TSPAN18: variants seen among roughly 807,000 people sequenced by gnomAD.
The protein encoded by TSPAN18 is tetraspanin 18, also known as tetraspanin-18.
A neutral mutation model predicts 27.3 loss-of-function variants in TSPAN18; 14 were observed. That is an observed-to-expected ratio of 0.51 (90% confidence interval 0.34 to 0.80). The LOEUF is 0.80. Ranked by LOEUF, TSPAN18 falls within the 30% of genes least tolerant of loss-of-function variation. TSPAN18 has a pLI of 0.01. For missense variants in TSPAN18, 268 were observed against 323.9 expected, an observed-to-expected ratio of 0.83 and a Z score of 1.32; for synonymous variants, 143 against 136.5, an observed-to-expected ratio of 1.05 and a Z score of -0.33.
At chr11:44,833,121 T>C (rs1857189039) in intron 2 of TSPAN18, among the ~76,000 whole-genome samples, 1 of 151,574 alleles carries the variant, frequency 6.6e-6, no homozygotes, top group Non-Finnish European at 1.5e-5. Flanking sequence ...AAGCCTGTGG[T>C]CTGCCCCTTA....
At chr11:44,758,764 A>G (rs900195541) in intron 1 of TSPAN18, among the ~76,000 whole-genome samples, 21 of 152,188 alleles carry the variant, frequency 1.4e-4, no homozygotes, top group African/African-American at 4.3e-4. Flanking sequence ...TTGCTGGGAT[A>G]GAGAATTTTC....
intron 3 of TSPAN18, among the ~76,000 whole-genome samples, chr11:44,898,113 G>A (rs1859128995): frequency 6.6e-6 from 1 of 152,222 alleles, no homozygotes; most frequent in African/African-American, 2.4e-5. Flanking sequence ...AAATAAGCCA[G>A]TGAACAAAAC....
chr11:44,841,394 G>A (rs530042588), intron 2 of TSPAN18, among the ~76,000 whole-genome samples: 1 of 152,122 alleles, frequency 6.6e-6, no homozygotes, highest in South Asian at 2.1e-4. Flanking sequence ...ATGGGTGCCT[G>A]TAATCCAAGC....
chr11:44,892,634 T>C (rs1617655), intron 3 of TSPAN18, among the ~76,000 whole-genome samples: 13,884 of 152,276 alleles, frequency 0.091, 770 homozygotes, highest in East Asian at 0.22. Context: ...CCGACCTGTG[T>C]CTGGGACTGG....
At chr11:44,763,699 A>T (rs1855503144) in intron 1 of TSPAN18, among the ~76,000 whole-genome samples, 1 of 152,182 alleles carries the variant, frequency 6.6e-6, no homozygotes, top group South Asian at 2.1e-4. Flanking sequence ...ACACAGTGTG[A>T]TGTTTTGATT....
At chr11:44,847,653 A>G (rs1379686504) in intron 2 of TSPAN18, among the ~76,000 whole-genome samples, 1 of 151,424 alleles carries the variant, frequency 6.6e-6, no homozygotes, top group Non-Finnish European at 1.5e-5. Flanking sequence ...AGACTTGGGA[A>G]TGGTTGCTGG....
At chr11:44,789,912 G>A (rs11038144) in intron 2 of TSPAN18, among the ~76,000 whole-genome samples, 28,871 of 152,134 alleles carry the variant, frequency 0.19, 2,947 homozygotes, top group South Asian at 0.33. Context: ...GAGCTGGAAG[G>A]CCCCCTGGAG....
chr11:44,919,613 T>G (rs1860047938), intron 7 of TSPAN18: 1 of 627,836 alleles, frequency 1.6e-6, no homozygotes, highest in African/African-American at 1.8e-5. Context: ...GAATTGTTAC[T>G]GCCACCTCTG....
intron 3 of TSPAN18, among the ~76,000 whole-genome samples, chr11:44,887,835 T>C (rs1000585137): frequency 8.5e-5 from 13 of 152,190 alleles, no homozygotes; most frequent in African/African-American, 2.9e-4. Context: ...GGCTCAGAAC[T>C]GTGCCCTTTC....
intron 3 of TSPAN18, among the ~76,000 whole-genome samples, chr11:44,887,677 T>C (rs868152933): frequency 6.6e-6 from 1 of 152,110 alleles, no homozygotes; most frequent in African/African-American, 2.4e-5. Flanking sequence ...ATTCTGTGTC[T>C]CACCCTCTCC....
At chr11:44,799,607 G>T (rs949252826) in intron 2 of TSPAN18, among the ~76,000 whole-genome samples, 8 of 152,174 alleles carry the variant, frequency 5.3e-5, no homozygotes, top group African/African-American at 1.7e-4. Context: ...GGGGCACATC[G>T]ATTGGGTGTT....
At chr11:44,792,427 G>C (rs920511093) in intron 2 of TSPAN18, among the ~76,000 whole-genome samples, 2 of 152,176 alleles carry the variant, frequency 1.3e-5, no homozygotes, top group East Asian at 3.9e-4. Flanking sequence ...GGAGGTGAGC[G>C]GGGGTGGCCA....
At chr11:44,877,069 G>A (rs536936887) in intron 3 of TSPAN18, among the ~76,000 whole-genome samples, 64 of 152,234 alleles carry the variant, frequency 4.2e-4, no homozygotes, top group Non-Finnish European at 9.0e-4. Context: ...GGATCTTTGT[G>A]TGCACAAATG....
At chr11:44,903,532 C>T (rs780610386) in intron 3 of TSPAN18, 18 of 456,278 alleles carry the variant, frequency 3.9e-5, no homozygotes, top group Non-Finnish European at 7.9e-5. Flanking sequence ...AAAGCTCCTT[C>T]TGGCAGCAGG....
chr11:44,777,224 G>A (rs978679314), intron 2 of TSPAN18, among the ~76,000 whole-genome samples: 2 of 152,206 alleles, frequency 1.3e-5, no homozygotes, highest in Non-Finnish European at 1.5e-5. Context: ...AGCATCTCAA[G>A]AGGTGTTTGT....
chr11:44,819,632 C>G (rs1399608612), intron 2 of TSPAN18, among the ~76,000 whole-genome samples: 2 of 151,960 alleles, frequency 1.3e-5, no homozygotes, highest in African/African-American at 2.4e-5. Flanking sequence ...AAGTAATTAT[C>G]ATGATTTAAT....
chr11:44,926,488 A>G (rs1353056229), intron 8 of TSPAN18, 186 bp from the exon 9 acceptor site: 1 of 617,540 alleles, frequency 1.6e-6, no homozygotes, highest in Non-Finnish European at 2.9e-6. Context: ...CTTTGGTGCA[A>G]TGCTGCCAAG....
At chr11:44,862,012 T>C (rs1309345449) in intron 3 of TSPAN18, among the ~76,000 whole-genome samples, 2 of 152,152 alleles carry the variant, frequency 1.3e-5, no homozygotes, top group East Asian at 3.9e-4. Flanking sequence ...CTGTTCCTTT[T>C]TCCCCCCACC....
chr11:44,811,264 A>G (rs560951998), intron 2 of TSPAN18, among the ~76,000 whole-genome samples: 1 of 151,910 alleles, frequency 6.6e-6, no homozygotes, highest in African/African-American at 2.4e-5. Flanking sequence ...ATGTTTATTC[A>G]CATAATCTGA....
Sources: gnomAD v4.1 joint callset for allele counts (sites outside exome capture counted in the v4.1 genomes callset) on GRCh38, gnomAD v4.1.1 for gene constraint, MANE v1.5 for transcripts, NCBI Gene and HGNC (gene_info 2026-07-23, HGNC 2026-07-21) for gene names.